Variants in EYA2 observed in about 807,000 individuals in gnomAD.
EYA2 encodes the protein EYA transcriptional coactivator and phosphatase 2, also known as protein phosphatase EYA2.
Under a neutral mutation model 69.2 loss-of-function variants are expected in EYA2, and 31 were observed. The ratio of observed to expected loss-of-function variants is 0.45; its 90% confidence interval spans 0.34 to 0.60. The LOEUF is 0.60. Ranked by LOEUF, EYA2 falls within the 20% of genes least tolerant of loss-of-function variation. The pLI is 0.02. For synonymous variants in EYA2, 257 were observed against 279.4 expected (o/e 0.92, Z 0.80); for missense variants, 622 against 701.2 (o/e 0.89, Z 1.28).
chr20:46,913,739 A>G (rs1414886551), intron 1 of EYA2, among the ~76,000 whole-genome samples: 2 of 152,148 alleles, frequency 1.3e-5, no homozygotes, highest in Non-Finnish European at 2.9e-5. Context: ...AGGTGACTCC[A>G]AGGCCTCTGG....
chr20:47,135,842 C>A (rs7509580), intron 9 of EYA2, among the ~76,000 whole-genome samples: 14,226 of 47,408 alleles, frequency 0.3, 1,641 homozygotes, highest in African/African-American at 0.33. Flanking sequence ...AAAAAAAAAA[C>A]AAACAAACAA....
chr20:47,052,917 A>G (rs1169314736), intron 5 of EYA2, among the ~76,000 whole-genome samples: 2 of 152,132 alleles, frequency 1.3e-5, no homozygotes. Context: ...CCACATTCAC[A>G]GTATAAGACT....
At chr20:47,031,771 G>A (rs1321873847) in intron 5 of EYA2, among the ~76,000 whole-genome samples, 1 of 152,094 alleles carries the variant, frequency 6.6e-6, no homozygotes, top group South Asian at 2.1e-4. Context: ...ACAATTTGTT[G>A]AAAAGTCATA....
intron 5 of EYA2, 144 bp downstream of exon 5, chr20:47,016,441 G>A: frequency 1.5e-6 from 1 of 650,320 alleles, no homozygotes; most frequent in East Asian, 2.7e-5. Flanking sequence ...ATAGATACGA[G>A]ATCTGCCTTT....
intron 10 of EYA2, among the ~76,000 whole-genome samples, chr20:47,167,592 TTTTG>T (rs1311092068): frequency 1.3e-5 from 2 of 152,046 alleles, no homozygotes; most frequent in Non-Finnish European, 2.9e-5. Flanking sequence ...CCCTTTGGTT[TTTTG>T]TTTGTTTTAG....
At chr20:47,000,869 C>T (rs1982323975) in intron 2 of EYA2, among the ~76,000 whole-genome samples, 1 of 152,114 alleles carries the variant, frequency 6.6e-6, no homozygotes, top group African/African-American at 2.4e-5. Flanking sequence ...CACCTGCACT[C>T]CATGGACTGG....
chr20:46,963,083 G>A (rs115951545), intron 1 of EYA2, among the ~76,000 whole-genome samples: 245 of 152,330 alleles, frequency 1.6e-3, no homozygotes, highest in African/African-American at 5.7e-3. Flanking sequence ...TGCCTCAGCA[G>A]GACTAAGCCC....
intron 7 of EYA2, among the ~76,000 whole-genome samples, chr20:47,080,594 G>T (rs2031677463): frequency 6.6e-6 from 1 of 152,112 alleles, no homozygotes. Flanking sequence ...GGTGACTATA[G>T]TTAATAAATA....
intron 8 of EYA2, among the ~76,000 whole-genome samples, chr20:47,095,034 A>G (rs1171903620): frequency 6.6e-6 from 1 of 152,168 alleles, no homozygotes; most frequent in Admixed American, 6.6e-5. Context: ...TTTTTAATTA[A>G]AAACAATAAA....
chr20:47,009,553 T>C (rs1011646267), intron 4 of EYA2, among the ~76,000 whole-genome samples: 1 of 152,224 alleles, frequency 6.6e-6, no homozygotes, highest in African/African-American at 2.4e-5. Context: ...GAGGTGGCTT[T>C]CCTTTCCTCT....
chr20:46,989,793 T>C (rs1200990020), intron 1 of EYA2, among the ~76,000 whole-genome samples: 10 of 152,236 alleles, frequency 6.6e-5, no homozygotes, highest in Admixed American at 5.9e-4. Context: ...CAACTGGGTG[T>C]ATTCTCCAGC....
intron 1 of EYA2, among the ~76,000 whole-genome samples, chr20:46,943,506 C>G (rs1050631719): frequency 6.6e-6 from 1 of 152,134 alleles, no homozygotes; most frequent in South Asian, 2.1e-4. Context: ...CTCTGGGGCC[C>G]TGGGAACTGC....
At chr20:47,055,416 C>T (rs1157230650) in intron 5 of EYA2, among the ~76,000 whole-genome samples, 2 of 152,146 alleles carry the variant, frequency 1.3e-5, no homozygotes, top group African/African-American at 4.8e-5. Context: ...GATGGTCTGT[C>T]CCTCCCTATA....
At chr20:47,157,994 C>T (rs138141553) in intron 10 of EYA2, among the ~76,000 whole-genome samples, 1 of 151,914 alleles carries the variant, frequency 6.6e-6, no homozygotes, top group Non-Finnish European at 1.5e-5. Flanking sequence ...AAATTGCGGT[C>T]GTCGCTGCTG....
intron 5 of EYA2, among the ~76,000 whole-genome samples, chr20:47,060,431 A>G (rs1347159264): frequency 6.6e-6 from 1 of 152,198 alleles, no homozygotes; most frequent in Non-Finnish European, 1.5e-5. Context: ...GAAACAAAAG[A>G]ATAGTCTTTC....
intron 10 of EYA2, among the ~76,000 whole-genome samples, chr20:47,152,734 C>A (rs1032070772): frequency 6.6e-6 from 1 of 151,322 alleles, no homozygotes; most frequent in African/African-American, 2.4e-5. Flanking sequence ...TCACTCGAAC[C>A]CAGGAGGCAA....
chr20:47,031,404 G>A (rs1984407209), intron 5 of EYA2, among the ~76,000 whole-genome samples: 1 of 152,242 alleles, frequency 6.6e-6, no homozygotes, highest in Non-Finnish European at 1.5e-5. Flanking sequence ...GCTGGGATGA[G>A]TGGACTATGG....
intron 2 of EYA2, among the ~76,000 whole-genome samples, chr20:46,992,364 G>C (rs1286760005): frequency 6.6e-6 from 1 of 152,186 alleles, no homozygotes; most frequent in African/African-American, 2.4e-5. Flanking sequence ...TTTGAACCTA[G>C]ATAGTCTGAC....
At chr20:47,092,895 A>AAAT (rs2032128522) in intron 8 of EYA2, among the ~76,000 whole-genome samples, 1 of 152,166 alleles carries the variant, frequency 6.6e-6, no homozygotes, top group African/African-American at 2.4e-5. Context: ...GAAAGGAGGA[A>AAAT]AATTCTGAGC....
Sources: allele counts gnomAD v4.1 joint callset (sites outside exome capture counted in the v4.1 genomes callset), GRCh38; gene constraint gnomAD v4.1.1; transcripts MANE v1.5; gene names NCBI Gene and HGNC (gene_info 2026-07-23, HGNC 2026-07-21).